Variants in PDE4D observed in about 807,000 individuals in gnomAD.
PDE4D encodes the protein phosphodiesterase 4D, also known as 3',5'-cyclic-AMP phosphodiesterase 4D.
In PDE4D, 24 loss-of-function variants were observed where a neutral mutation model predicts 87.4. The ratio of observed to expected loss-of-function variants is 0.27; its 90% CI spans 0.20 to 0.39. PDE4D has a LOEUF of 0.39. Ranked by LOEUF, PDE4D falls within the 10% of genes least tolerant of loss-of-function variation. The pLI, the probability that PDE4D is intolerant of heterozygous loss-of-function variation, is 1.00. For synonymous variants in PDE4D, 384 were observed against 383.2 expected (o/e 1.00, Z -0.02); for missense variants, 714 against 1,041.0 (o/e 0.69, Z 4.32).
chr5:59,395,210 C>T (rs6862564), intron 1 of PDE4D, among the ~76,000 whole-genome samples: 1 of 151,740 alleles, frequency 6.6e-6, no homozygotes, highest in East Asian at 2.0e-4. Context: ...CGGGAAGCTC[C>T]AACTGGGTGG....
chr5:59,517,231 C>G (rs1204167688), intron 1 of PDE4D, among the ~76,000 whole-genome samples: 1 of 152,154 alleles, frequency 6.6e-6, no homozygotes, highest in Non-Finnish European at 1.5e-5. Context: ...CATCTAACCC[C>G]CATTTCACTA....
chr5:59,039,019 G>C (rs1325005242), intron 5 of PDE4D, 48 bp from the exon 6 acceptor site: 1 of 1,543,014 alleles, frequency 6.5e-7, no homozygotes, highest in East Asian at 2.5e-5. Context: ...GCGCTTCACG[G>C]GTCCGCTAGC....
chr5:59,224,224 G>C (rs255579), intron 1 of PDE4D, among the ~76,000 whole-genome samples: 3 of 150,784 alleles, frequency 2.0e-5, no homozygotes, highest in African/African-American at 4.9e-5. Context: ...TGAGGCTTCA[G>C]TGAGTCTAAA....
At chr5:59,706,299 G>A (rs140354236) in intron 1 of PDE4D, among the ~76,000 whole-genome samples, 2 of 152,136 alleles carry the variant, frequency 1.3e-5, no homozygotes, top group Admixed American at 6.6e-5. Flanking sequence ...TTTCAGGGTC[G>A]CTTGTCCCCA....
chr5:60,077,880 C>T (rs1773488562), intron 2 of PDE4D, among the ~76,000 whole-genome samples: 1 of 152,166 alleles, frequency 6.6e-6, no homozygotes, highest in African/African-American at 2.4e-5. Flanking sequence ...CAATTCACCC[C>T]ATCCCCAGGA....
intron 2 of PDE4D, among the ~76,000 whole-genome samples, chr5:60,079,086 G>T (rs865799610): frequency 1.6e-4 from 24 of 152,062 alleles, no homozygotes; most frequent in Admixed American, 2.6e-4. Flanking sequence ...GTTCTGATTG[G>T]CATGAGATGG....
intron 1 of PDE4D, among the ~76,000 whole-genome samples, chr5:59,272,220 A>G (rs537560717): frequency 6.6e-6 from 1 of 152,180 alleles, no homozygotes; most frequent in African/African-American, 2.4e-5. Flanking sequence ...GTCCACTTCC[A>G]TTGACTAAAC....
chr5:59,539,872 A>T (rs1422687669), intron 1 of PDE4D, among the ~76,000 whole-genome samples: 1 of 152,106 alleles, frequency 6.6e-6, no homozygotes, highest in East Asian at 1.9e-4. Flanking sequence ...TTTCTATACC[A>T]TTCTTCAAAA....
At chr5:59,832,561 A>G (rs1406064012) in intron 1 of PDE4D, among the ~76,000 whole-genome samples, 1 of 152,114 alleles carries the variant, frequency 6.6e-6, no homozygotes, top group East Asian at 1.9e-4. Flanking sequence ...ATGTTTAGAC[A>G]ATATATGTAG....
At chr5:59,004,936 A>G (rs994466209) in intron 6 of PDE4D, among the ~76,000 whole-genome samples, 22 of 152,174 alleles carry the variant, frequency 1.4e-4, no homozygotes, top group African/African-American at 5.3e-4. Flanking sequence ...TTGACTCCTC[A>G]TCCAGGGTGG....
intron 1 of PDE4D, among the ~76,000 whole-genome samples, chr5:60,439,903 G>A (rs1265260172): frequency 7.0e-6 from 1 of 143,214 alleles, no homozygotes. Context: ...CCCTTCAAAG[G>A]CTTTCCATTG....
chr5:60,005,737 T>C (rs1170635582), intron 2 of PDE4D, among the ~76,000 whole-genome samples: 3 of 152,062 alleles, frequency 2.0e-5, no homozygotes, highest in African/African-American at 2.4e-5. Context: ...CTAATAATTA[T>C]AGAAAATTCA....
chr5:59,416,535 T>C (rs1232622505), intron 1 of PDE4D, among the ~76,000 whole-genome samples: 1 of 152,178 alleles, frequency 6.6e-6, no homozygotes, highest in African/African-American at 2.4e-5. Context: ...TTCAATTGAA[T>C]GGAATAAAAG....
intron 3 of PDE4D, among the ~76,000 whole-genome samples, chr5:59,944,829 T>G (rs900059418): frequency 1.3e-5 from 2 of 152,176 alleles, no homozygotes; most frequent in Non-Finnish European, 2.9e-5. Context: ...CTTCTTCCTC[T>G]ATACCTACTT....
intron 1 of PDE4D, among the ~76,000 whole-genome samples, chr5:59,747,850 T>C (rs1289436166): frequency 6.6e-6 from 1 of 152,100 alleles, no homozygotes; most frequent in Non-Finnish European, 1.5e-5. Context: ...CCCCAAAGCC[T>C]CCTCAAGAAT....
In PDE4D at chr5:60,197,018, C is replaced by CAGATAGATAGATAGAT. The variant is rs201360208; in HGVS notation, c.-89-11347_-89-11332dup. Reference sequence around the variant, plus strand: ...GCCTCTCTGGCAAAAACAAGATAGGCAGATAGATAGATAGATAGATAGATA... The same window carrying CAGATAGATAGATAGAT: ...GCCTCTCTGGCAAAAACAAGATAGGCAGATAGATAGATAGATAGATAGATAGATAGATAGATAGATA... On this transcript the variant is annotated intron_variant, in intron 1 of 16. Transcript: ENST00000502484. 6.4e-3 allele frequency among the ~76,000 whole-genome samples: 791 copies of CAGATAGATAGATAGAT among 123,544 alleles called. 16 individuals carry two copies. Among genetic ancestry groups the CAGATAGATAGATAGAT allele is most frequent in the East Asian group, 0.016 (63 of 4,026 alleles). The allele number at this position is 123,544 out of a possible 152,430, so 81.0% of individuals were successfully genotyped here.
chr5:59,637,830 A>T (rs1450098971), intron 1 of PDE4D, among the ~76,000 whole-genome samples: 1 of 152,124 alleles, frequency 6.6e-6, no homozygotes, highest in Non-Finnish European at 1.5e-5. Flanking sequence ...CAGCAACTGA[A>T]TCTGGTTTTC....
At chr5:60,223,565 T>G (rs1331664134) in intron 1 of PDE4D, among the ~76,000 whole-genome samples, 1 of 152,062 alleles carries the variant, frequency 6.6e-6, no homozygotes, top group African/African-American at 2.4e-5. Flanking sequence ...CTGAATGGCC[T>G]GATGACTAAT....
At chr5:60,203,236 G>T (rs1742139326) in intron 1 of PDE4D, among the ~76,000 whole-genome samples, 1 of 152,152 alleles carries the variant, frequency 6.6e-6, no homozygotes, top group Non-Finnish European at 1.5e-5. Flanking sequence ...CTCCCAAAGT[G>T]CAGGGATTAC....
Sources: gnomAD v4.1 joint callset for allele counts (sites outside exome capture counted in the v4.1 genomes callset) on GRCh38, gnomAD v4.1.1 for gene constraint, MANE v1.5 for transcripts, NCBI Gene and HGNC (gene_info 2026-07-23, HGNC 2026-07-21) for gene names.